RYR2: variants seen among roughly 807,000 people sequenced by gnomAD.
RYR2 encodes the protein cardiac muscle ryanodine receptor-calcium release channel.
In RYR2, 227 loss-of-function variants were observed where a neutral mutation model predicts 601.1. The ratio of observed to expected loss-of-function variants is 0.38; its 90% CI spans 0.34 to 0.42. RYR2 has a LOEUF of 0.42. Among genes scored for constraint, RYR2 ranks in the 10% least tolerant of loss-of-function variants. RYR2 has a pLI of 1.00. For synonymous variants in RYR2, 2,223 were observed against 2,175.1 expected (o/e 1.02, Z -0.61); for missense variants, 4,646 against 6,156.5 (o/e 0.75, Z 8.21).
intron 70 of RYR2, among the ~76,000 whole-genome samples, chr1:237,710,449 T>G (rs1688735168): frequency 6.6e-6 from 1 of 152,164 alleles, no homozygotes. Flanking sequence ...TGACAAATAT[T>G]ATTTATTGCC....
At chr1:237,257,437 A>G (rs1021095906) in intron 1 of RYR2, among the ~76,000 whole-genome samples, 4 of 152,218 alleles carry the variant, frequency 2.6e-5, no homozygotes, top group Non-Finnish European at 4.4e-5. Context: ...TTTCATTGAG[A>G]TAATGCATAG....
In RYR2 at chr1:237,196,056, C is replaced by T. The variant is rs190846820; in HGVS notation, c.49-74441C>T. ...AATTCATGCGACCTTTTAAGGACAT[C>T]GTAGCAGTGCTTTGCTTTTTATAAG... On this transcript the variant is annotated intron_variant, in intron 1 of 104. Coordinates refer to ENST00000366574, the MANE Select transcript of RYR2 (RefSeq NM_001035.3). Among the ~76,000 whole-genome samples the T allele has an allele frequency of 7.2e-5, 11 of 152,218 alleles. No individual in the cohort carries two copies. The East Asian group carries it at 2.1e-3, about 29-fold the overall frequency.
chr1:237,601,893 A>G (rs1485939414), intron 34 of RYR2, 132 bp from the exon 35 acceptor site: 2 of 661,436 alleles, frequency 3.0e-6, no homozygotes, highest in East Asian at 2.8e-5. Context: ...GAAGGAGCAC[A>G]TCAATCGATA....
chr1:237,148,361 TG>T (rs1674245778), intron 1 of RYR2, among the ~76,000 whole-genome samples: 1 of 151,068 alleles, frequency 6.6e-6, no homozygotes, highest in African/African-American at 2.4e-5. Context: ...TCGGGAGGGC[TG>T]GGGGATGTGG....
intron 1 of RYR2, among the ~76,000 whole-genome samples, chr1:237,186,300 G>A (rs181716380): frequency 3.9e-5 from 6 of 152,230 alleles, no homozygotes; most frequent in Admixed American, 1.3e-4. Context: ...TAACACAGGC[G>A]TGATGGTTAT....
intron 2 of RYR2, among the ~76,000 whole-genome samples, chr1:237,294,569 G>A (rs1312840187): frequency 6.6e-6 from 1 of 152,040 alleles, no homozygotes; most frequent in Non-Finnish European, 1.5e-5. Flanking sequence ...TATGAATTCA[G>A]AAACACTATT....
intron 25 of RYR2, among the ~76,000 whole-genome samples, chr1:237,538,394 CAAAAAAAAA>C (rs10551995): frequency 6.1e-5 from 2 of 32,868 alleles, no homozygotes; most frequent in African/African-American, 2.7e-4. Context: ...GACTCTGTCT[CAAAAAAAAA>C]AAAAAAAAAA....
chr1:237,586,002 T>C (rs1674482757), intron 29 of RYR2, among the ~76,000 whole-genome samples: 1 of 152,212 alleles, frequency 6.6e-6, no homozygotes, highest in South Asian at 2.1e-4. Context: ...TCTCTCCTAC[T>C]TAAAGAACTG....
intron 84 of RYR2, among the ~76,000 whole-genome samples, chr1:237,763,858 T>C (rs1284055907): frequency 6.6e-6 from 1 of 152,228 alleles, no homozygotes; most frequent in Admixed American, 6.5e-5. Context: ...GATCACTCTT[T>C]TGTTTAAGAT....
At chr1:237,115,242 C>T (rs889858337) in intron 1 of RYR2, among the ~76,000 whole-genome samples, 4 of 152,108 alleles carry the variant, frequency 2.6e-5, no homozygotes, top group South Asian at 4.1e-4. Context: ...CCACACCCCC[C>T]CCCTTGCTCT....
At chr1:237,213,920 T>C (rs1032378907) in intron 1 of RYR2, among the ~76,000 whole-genome samples, 18 of 137,002 alleles carry the variant, frequency 1.3e-4, no homozygotes, top group African/African-American at 4.1e-4. Context: ...TTTTTCTTTT[T>C]TTTTTTTTTT....
chr1:237,777,188 G>A (rs1694733219), intron 87 of RYR2, among the ~76,000 whole-genome samples: 1 of 152,082 alleles, frequency 6.6e-6, no homozygotes, highest in Admixed American at 6.6e-5. Context: ...CCCCTCCAAA[G>A]TTTCCCCCTT....
intron 6 of RYR2, among the ~76,000 whole-genome samples, chr1:237,374,194 CA>C (rs1324621360): frequency 6.6e-6 from 1 of 152,112 alleles, no homozygotes; most frequent in Non-Finnish European, 1.5e-5. Context: ...TGCCAAATTA[CA>C]GGTCAGAATA....
In RYR2 at chr1:237,798,165, A is replaced by C. The variant is rs758566439; in HGVS notation, c.14085A>C (p.Ser4695=). 7 of 1,612,478 alleles carry C rather than the reference A, an allele frequency of 4.3e-6. No individual in the cohort carries two copies. The East Asian group carries it at 1.6e-4, about 36-fold the overall frequency. ...KKKPKKDSSL[S]AVLNSIDVKY... is the part of the protein sequence containing the mutation. ...AGCCAAAGAAAGACAGCTCCTTATC[A>C]GCTGTGTAAGTGTTACTTCGGCTCT... The change falls in exon 97 of 105, where the codon TCA becomes TCC. Residue 4695 remains serine (S), a synonymous_variant. Transcript: ENST00000366574.
At chr1:237,737,705 C>A (rs1256224808) in intron 79 of RYR2, among the ~76,000 whole-genome samples, 1 of 152,192 alleles carries the variant, frequency 6.6e-6, no homozygotes, top group African/African-American at 2.4e-5. Context: ...TGATTGATTT[C>A]TCTGTTTATC....
Position 237,500,856 on chromosome 1 carries a change from C to T in RYR2, c.2349C>T (p.Asn783=), listed in dbSNP as rs749506479. The change falls in exon 21 of 105, where the codon AAC becomes AAT. Residue 783 remains asparagine, a synonymous_variant. Coordinates refer to ENST00000366574, the MANE Select transcript of RYR2 (RefSeq NM_001035.3). The part of the protein sequence containing the change: ...QPVQGMFENF[N]IDGLFFPVVS... ...TTCAAGGAATGTTTGAGAATTTCAACATCGATGGCCTCTTCTTTCCAGTCG... is the reference window on the plus strand; with the variant it reads ...TTCAAGGAATGTTTGAGAATTTCAATATCGATGGCCTCTTCTTTCCAGTCG... 1 of 1,614,040 alleles carries T rather than the reference C, an allele frequency of 6.2e-7. No homozygotes were observed. Among genetic ancestry groups the T allele is most frequent in the Non-Finnish European group, 8.5e-7 (1 of 1,179,904 alleles).
rs1573600366 is a variant in RYR2, at chr1:237,705,361, G to A, written c.9580+18G>A. On this transcript the variant is annotated intron_variant, in intron 67 of 104. Coordinates refer to ENST00000366574, the MANE Select transcript of RYR2 (RefSeq NM_001035.3). ...AAGAGCAGGTAACACAGAAACATGT[G>A]CAGTGCTTTGAGATATGAAGCTAAA... 4 of 1,592,404 alleles carry A rather than the reference G, an allele frequency of 2.5e-6. No individual in the cohort carries two copies. Among genetic ancestry groups the A allele is most frequent in the South Asian group, 1.1e-5 (1 of 88,208 alleles).
intron 2 of RYR2, among the ~76,000 whole-genome samples, chr1:237,305,760 T>A (rs1693804865): frequency 6.6e-6 from 1 of 152,168 alleles, no homozygotes; most frequent in East Asian, 1.9e-4. Flanking sequence ...ACTGTGTAGG[T>A]CTACATAAAT....
At chr1:237,210,405 C>A (rs531734558) in intron 1 of RYR2, among the ~76,000 whole-genome samples, 1 of 152,200 alleles carries the variant, frequency 6.6e-6, no homozygotes, top group African/African-American at 2.4e-5. Flanking sequence ...TTCTTGAGTA[C>A]TCCTGAAATC....
Sources: gnomAD v4.1 joint callset for allele counts (sites outside exome capture counted in the v4.1 genomes callset) on GRCh38, gnomAD v4.1.1 for gene constraint, MANE v1.5 for transcripts, NCBI Gene and HGNC (gene_info 2026-07-23, HGNC 2026-07-21) for gene names.